Variants in CCDC7 observed in about 807,000 individuals in gnomAD.
CCDC7 encodes coiled-coil domain containing 7.
A neutral mutation model predicts 196.9 loss-of-function variants in CCDC7; 183 were observed. The observed-to-expected ratio is 0.93, with a 90% CI of 0.82 to 1.05. The LOEUF (loss-of-function observed/expected upper bound fraction) is 1.05. Among genes scored for constraint, CCDC7 ranks in the 50% least tolerant of loss-of-function variants. CCDC7 has a pLI of 0.00. For missense variants in CCDC7, 1,540 were observed against 1,482.2 expected (o/e 1.04, Z -0.64); for synonymous variants, 525 against 484.6 (o/e 1.08, Z -1.10).
At chr10:32,560,727 G>T (rs1431049296) in intron 13 of CCDC7, among the ~76,000 whole-genome samples, 1 of 152,206 alleles carries the variant, frequency 6.6e-6, no homozygotes, top group African/African-American at 2.4e-5. Flanking sequence ...ATGCCAAATT[G>T]TAAAGACCAT....
intron 20 of CCDC7, among the ~76,000 whole-genome samples, chr10:32,638,081 G>A (rs1293073612): frequency 6.6e-6 from 1 of 152,146 alleles, no homozygotes; most frequent in African/African-American, 2.4e-5. Flanking sequence ...CATTGATTTT[G>A]TATCCTGAGA....
chr10:32,723,048 G>A (rs34961109), intron 25 of CCDC7, among the ~76,000 whole-genome samples: 68 of 152,042 alleles, frequency 4.5e-4, no homozygotes, highest in Non-Finnish European at 7.1e-4. Flanking sequence ...AAGGAATAGC[G>A]CTTTATTAAT....
At chr10:32,834,717 T>A in intron 32 of CCDC7, 98 bp from the exon 34 acceptor site, 1 of 531,862 alleles carries the variant, frequency 1.9e-6, no homozygotes, top group Non-Finnish European at 3.4e-6. Flanking sequence ...AAGTTATTAC[T>A]ATTCATACAT....
At chr10:32,826,845 G>A (rs2091199206) in intron 32 of CCDC7, among the ~76,000 whole-genome samples, 1 of 152,240 alleles carries the variant, frequency 6.6e-6, no homozygotes, top group Non-Finnish European at 1.5e-5. Flanking sequence ...GCACCTGGTT[G>A]TGCACTCTTC....
At chr10:32,714,824 A>G (rs1452282546) in intron 25 of CCDC7, among the ~76,000 whole-genome samples, 1 of 152,130 alleles carries the variant, frequency 6.6e-6, no homozygotes, top group East Asian at 1.9e-4. Context: ...CAGCAAAGCC[A>G]CTGTAACCAG....
intron 18 of CCDC7, among the ~76,000 whole-genome samples, chr10:32,602,094 A>G (rs2152158): frequency 0.34 from 52,468 of 152,092 alleles, 11,477 homozygotes; most frequent in Non-Finnish European, 0.5. Flanking sequence ...CACTACCTTT[A>G]TAAGCTGTAA....
rs554347850 is a variant in CCDC7, at chr10:32,560,982, A to G, written c.1135-4576A>G. 1.4e-4 allele frequency among the ~76,000 whole-genome samples: 22 copies of G among 152,218 alleles called. No homozygotes were observed. The South Asian group carries it at 4.6e-3, about 32-fold the overall frequency. ...TAAAAGGATGGAGGAAGATCTACCAAGCAAATGCAAAACAAAAAAAAAGGC... is the reference window on the plus strand; with the variant it reads ...TAAAAGGATGGAGGAAGATCTACCAGGCAAATGCAAAACAAAAAAAAAGGC... On this transcript the variant is annotated intron_variant, in intron 13 of 41. Transcript: ENST00000639629.
intron 28 of CCDC7, among the ~76,000 whole-genome samples, chr10:32,744,373 GAA>G (rs544931743): frequency 1.3e-4 from 16 of 125,294 alleles, no homozygotes; most frequent in Admixed American, 2.4e-4. Context: ...TCCTGCTGGT[GAA>G]AAAAAAAAAA....
At chr10:32,515,067 C>G (rs2046816200) in intron 9 of CCDC7, among the ~76,000 whole-genome samples, 1 of 152,128 alleles carries the variant, frequency 6.6e-6, no homozygotes, top group African/African-American at 2.4e-5. Context: ...TTCAAGTGAT[C>G]CTCCTGCCTT....
intron 31 of CCDC7, among the ~76,000 whole-genome samples, chr10:32,822,770 A>G (rs1275066130): frequency 6.6e-6 from 1 of 152,168 alleles, no homozygotes; most frequent in African/African-American, 2.4e-5. Context: ...GAAAAATAGT[A>G]TGGTTTAAAA....
chr10:32,769,380 TG>T (rs1478969505), intron 28 of CCDC7, among the ~76,000 whole-genome samples: 12 of 129,032 alleles, frequency 9.3e-5, no homozygotes, highest in African/African-American at 3.0e-4. Context: ...TATGTTTACT[TG>T]GATTTTTTTT....
chr10:32,492,052 A>G (rs2042233657), intron 9 of CCDC7, 55 bp downstream of exon 10: 1 of 1,462,950 alleles, frequency 6.8e-7, no homozygotes, highest in East Asian at 2.5e-5. Context: ...AAAAAGACAG[A>G]TAAAATTGTA....
intron 21 of CCDC7, among the ~76,000 whole-genome samples, chr10:32,672,211 T>C (rs2074189931): frequency 6.6e-6 from 1 of 152,162 alleles, no homozygotes; most frequent in African/African-American, 2.4e-5. Context: ...AAGGTGCAGA[T>C]TCCTGTGAAA....
chr10:32,728,344 T>C (rs1041779391), intron 26 of CCDC7, among the ~76,000 whole-genome samples: 17 of 152,156 alleles, frequency 1.1e-4, no homozygotes, highest in East Asian at 3.8e-4. Context: ...CATTGCCTGG[T>C]AGCTGTTTAG....
At chr10:32,864,054 A>G (rs1327894031) in intron 41 of CCDC7, among the ~76,000 whole-genome samples, 2 of 151,820 alleles carry the variant, frequency 1.3e-5, no homozygotes, top group East Asian at 1.9e-4. Context: ...TTTATAAGGA[A>G]TACTTACAAC....
At chr10:32,764,319 A>G (rs186441529) in intron 28 of CCDC7, among the ~76,000 whole-genome samples, 19 of 151,972 alleles carry the variant, frequency 1.3e-4, no homozygotes, top group Admixed American at 2.0e-4. Context: ...TTCCAAAAAA[A>G]CTACATAATT....
chr10:32,765,723 G>A (rs2078180386), intron 28 of CCDC7, among the ~76,000 whole-genome samples: 1 of 152,020 alleles, frequency 6.6e-6, no homozygotes, highest in African/African-American at 2.4e-5. Context: ...CAGAAAACAG[G>A]TGGATCTCAG....
intron 20 of CCDC7, among the ~76,000 whole-genome samples, chr10:32,662,916 AG>A (rs1402606777): frequency 6.6e-6 from 1 of 152,164 alleles, no homozygotes; most frequent in African/African-American, 2.4e-5. Context: ...GGTAGCTTTC[AG>A]GGCACTTTGG....
chr10:32,506,733 T>A (rs2045223151), intron 9 of CCDC7, among the ~76,000 whole-genome samples: 1 of 141,430 alleles, frequency 7.1e-6, no homozygotes, highest in African/African-American at 3.2e-5. Flanking sequence ...GTGCCTGGAA[T>A]CCCAGGCACT....
Sources: allele counts gnomAD v4.1 joint callset (sites outside exome capture counted in the v4.1 genomes callset), GRCh38; gene constraint gnomAD v4.1.1; transcripts MANE v1.5; gene names NCBI Gene and HGNC (gene_info 2026-07-23, HGNC 2026-07-21).